SORCS2: variants seen among roughly 807,000 people sequenced by gnomAD.
SORCS2 encodes sortilin related VPS10 domain containing receptor 2.
In SORCS2, 100 loss-of-function variants were observed where a neutral mutation model predicts 141.6. That is an observed-to-expected ratio of 0.71 (90% CI 0.60 to 0.83). The LOEUF is 0.83. SORCS2 is among the 40% of genes least tolerant of loss of function. The pLI is 0.00. For missense variants in SORCS2, 1,646 were observed against 1,560.2 expected, an observed-to-expected ratio of 1.05 and a Z score of -0.93; for synonymous variants, 789 against 676.9, an observed-to-expected ratio of 1.17 and a Z score of -2.57.
At chr4:7,542,086 A>G (rs1454956627) in intron 3 of SORCS2, among the ~76,000 whole-genome samples, 1 of 152,118 alleles carries the variant, frequency 6.6e-6, no homozygotes, top group Non-Finnish European at 1.5e-5. Flanking sequence ...CTCCAGAGAG[A>G]AGGAGCTTTG....
At chr4:7,372,068 A>T (rs1722290121) in intron 1 of SORCS2, among the ~76,000 whole-genome samples, 1 of 152,168 alleles carries the variant, frequency 6.6e-6, no homozygotes, top group African/African-American at 2.4e-5. Flanking sequence ...GTCTTGGGAT[A>T]TTCAGTCTAG....
intron 21 of SORCS2, among the ~76,000 whole-genome samples, chr4:7,727,869 A>T (rs1198344642): frequency 6.6e-6 from 1 of 152,224 alleles, no homozygotes; most frequent in East Asian, 1.9e-4. Context: ...AAAGAGAAGA[A>T]GACAGGGCCT....
intron 2 of SORCS2, among the ~76,000 whole-genome samples, chr4:7,522,656 CCTT>C (rs996635991): frequency 1.3e-5 from 2 of 149,344 alleles, no homozygotes; most frequent in African/African-American, 4.9e-5. Context: ...TTTTCTCCCT[CCTT>C]CTTTCCTCCT....
chr4:7,417,915 G>A (rs911687067), intron 2 of SORCS2, among the ~76,000 whole-genome samples: 7 of 152,206 alleles, frequency 4.6e-5, no homozygotes, highest in Non-Finnish European at 8.8e-5. Flanking sequence ...GTTTTCAGTT[G>A]ATGCCACAGG....
At chr4:7,591,586 C>T (rs1361981396) in intron 3 of SORCS2, among the ~76,000 whole-genome samples, 1 of 152,200 alleles carries the variant, frequency 6.6e-6, no homozygotes, top group Non-Finnish European at 1.5e-5. Context: ...GTCAGCCACT[C>T]AGCACACTCA....
At position 7,688,727 on chromosome 4, in the gene SORCS2, C is replaced by A. The variant is rs181888967; in HGVS notation, c.1489-759C>A. Among the ~76,000 whole-genome samples, 147 of 152,274 alleles carry A rather than the reference C, an allele frequency of 9.7e-4. 1 individual carries two copies. Among genetic ancestry groups the A allele is most frequent in the African/African-American group, 3.4e-3 (141 of 41,550 alleles). On this transcript the variant is annotated intron_variant, in intron 10 of 26. Coordinates refer to ENST00000507866, the MANE Select transcript of SORCS2 (RefSeq NM_020777.3). ...CCCTGACTTGGGGAAATTAGGAAGG[C>A]TGAGCCCAGAGTCATTACCCCACAA...
intron 2 of SORCS2, among the ~76,000 whole-genome samples, chr4:7,515,453 C>T (rs961612250): frequency 6.6e-6 from 1 of 152,154 alleles, no homozygotes; most frequent in Non-Finnish European, 1.5e-5. Context: ...CAAGCTGGTA[C>T]CTTCTCAGAG....
chr4:7,477,656 G>A (rs1446502140), intron 2 of SORCS2, among the ~76,000 whole-genome samples: 2 of 152,232 alleles, frequency 1.3e-5, no homozygotes, highest in African/African-American at 4.8e-5. Context: ...TCCCGAGGGG[G>A]CACAGAAGGC....
intron 2 of SORCS2, among the ~76,000 whole-genome samples, chr4:7,487,421 C>A (rs577344993): frequency 4.6e-5 from 7 of 152,302 alleles, no homozygotes; most frequent in African/African-American, 1.7e-4. Flanking sequence ...CCTCCACTTC[C>A]CCCTCCCCTT....
chr4:7,222,786 T>G (rs1728787466), intron 1 of SORCS2, among the ~76,000 whole-genome samples: 1 of 151,232 alleles, frequency 6.6e-6, no homozygotes, highest in African/African-American at 2.4e-5. Flanking sequence ...CTGTGTGGGG[T>G]GTGGGTGCTG....
intron 2 of SORCS2, among the ~76,000 whole-genome samples, chr4:7,424,966 G>A (rs765551489): frequency 1.6e-4 from 25 of 152,206 alleles, no homozygotes; most frequent in Non-Finnish European, 3.2e-4. Context: ...AGGGCCGCGG[G>A]GTCAGCAGGA....
In SORCS2 at chr4:7,192,655, C is replaced by T; in HGVS notation, c.9C>T (p.His3=). The T allele has an allele frequency of 1.0e-6, 1 of 987,410 alleles. No homozygotes were observed. The highest frequency in any genetic ancestry group is 4.5e-5 in the South Asian group (1 of 22,160). The allele number at this position is 987,410 out of a possible 1,614,324, so 61.2% of individuals were successfully genotyped here. The change falls in exon 1 of 27, where the codon CAC becomes CAT. Residue 3 remains histidine, a synonymous_variant. Coordinates refer to ENST00000507866, the MANE Select transcript of SORCS2 (RefSeq NM_020777.3). The surrounding 1 kb of genome is among the most constrained non-coding windows in gnomAD (Gnocchi z 4.0). MA[H]RGPSRASKGP... ...TGCCGCCCCTGGCGACCATGGCGCA[C>T]CGGGGGCCCTCGCGCGCCTCGAAGG...
At chr4:7,367,945 G>A (rs1722003598) in intron 1 of SORCS2, among the ~76,000 whole-genome samples, 1 of 152,226 alleles carries the variant, frequency 6.6e-6, no homozygotes, top group Non-Finnish European at 1.5e-5. Flanking sequence ...GTCAGCCTGG[G>A]GTTTCAGCTC....
At chr4:7,579,816 A>G (rs929459021) in intron 3 of SORCS2, among the ~76,000 whole-genome samples, 1 of 152,190 alleles carries the variant, frequency 6.6e-6, no homozygotes, top group Non-Finnish European at 1.5e-5. Flanking sequence ...ACGTCAAGAC[A>G]CACAATGCCA....
chr4:7,601,930 T>G (rs960466444), intron 3 of SORCS2, among the ~76,000 whole-genome samples: 2 of 152,198 alleles, frequency 1.3e-5, no homozygotes, highest in Non-Finnish European at 2.9e-5. Context: ...GCACCGCCCT[T>G]AATCCATCTA....
At chr4:7,375,695 A>G (rs1187785707) in intron 1 of SORCS2, among the ~76,000 whole-genome samples, 1 of 152,206 alleles carries the variant, frequency 6.6e-6, no homozygotes, top group African/African-American at 2.4e-5. Context: ...AGAAACCAAA[A>G]CAAAAATGCA....
At chr4:7,203,546 G>A (rs941129021) in intron 1 of SORCS2, among the ~76,000 whole-genome samples, 3 of 144,338 alleles carry the variant, frequency 2.1e-5, no homozygotes, top group Non-Finnish European at 4.5e-5. Context: ...CTTTAGAGAC[G>A]GAGATTGCAG....
intron 3 of SORCS2, among the ~76,000 whole-genome samples, chr4:7,604,394 T>C (rs1320773647): frequency 1.3e-5 from 2 of 152,246 alleles, no homozygotes; most frequent in African/African-American, 4.8e-5. Context: ...CTCGGCTCAC[T>C]GCAAGCTCCG....
chr4:7,638,179 A>C (rs2158276), intron 3 of SORCS2, 149 bp from the exon 4 acceptor site: 764,885 of 946,896 alleles, frequency 0.81, 310,325 homozygotes, highest in East Asian at 0.95. Flanking sequence ...TCAGGAGGTG[A>C]AGGGGAGAGG....
Sources: gnomAD v4.1 joint callset for allele counts (sites outside exome capture counted in the v4.1 genomes callset) on GRCh38, gnomAD v4.1.1 for gene constraint, Gnocchi (gnomAD v3.1) non-coding constraint, MANE v1.5 for transcripts, NCBI Gene and HGNC (gene_info 2026-07-23, HGNC 2026-07-21) for gene names.